Variants in KDM3B observed in about 807,000 individuals in gnomAD.
KDM3B encodes the protein lysine demethylase 3B.
A neutral mutation model predicts 170.0 loss-of-function variants in KDM3B; 10 were observed. The observed-to-expected ratio is 0.06, with a 90% CI of 0.04 to 0.10. The LOEUF is 0.10. Ranked by LOEUF, KDM3B falls within the 10% of genes least tolerant of loss-of-function variation. The pLI is 1.00. For synonymous variants in KDM3B, 831 were observed against 834.8 expected, an observed-to-expected ratio of 1.00 and a Z score of 0.08; for missense variants, 1,394 against 2,195.2, an observed-to-expected ratio of 0.64 and a Z score of 7.29.
chr5:138,369,404 A>C (rs896059897), intron 1 of KDM3B, among the ~76,000 whole-genome samples: 7 of 152,080 alleles, frequency 4.6e-5, no homozygotes, highest in Non-Finnish European at 5.9e-5. Flanking sequence ...AGCACAAGTC[A>C]CTTCCTTCCT....
At chr5:138,430,834 G>A (rs1763513535) in intron 22 of KDM3B, among the ~76,000 whole-genome samples, 1 of 151,934 alleles carries the variant, frequency 6.6e-6, no homozygotes, top group Admixed American at 6.6e-5. Flanking sequence ...AGGTTGCAGT[G>A]AGCCAAGATC....
chr5:138,419,164 C>T lies in KDM3B; in HGVS notation c.3647C>T (p.Ala1216Val). Reference protein sequence around the residue: ...KAIRPPCPDTAPPSSALHWLA... With the variant: ...KAIRPPCPDTVPPSSALHWLA... The stretch of plus-strand genomic sequence containing the variant: ...ATCAGGCCTCCTTGCCCTGACACGG[C>T]CCCACCCTCCTCCGCCCTGCACTGG... Residue 1216 changes from alanine to valine, a missense_variant, in exon 14 of 24, where the codon GCC becomes GTC. Ala to Val is a moderately conservative substitution (Grantham distance 64). Coordinates refer to ENST00000314358, the MANE Select transcript of KDM3B (RefSeq NM_016604.4). The T allele has an allele frequency of 6.2e-7, 1 of 1,614,230 alleles. No individual in the cohort carries two copies. The highest frequency in any genetic ancestry group is 8.5e-7 in the Non-Finnish European group (1 of 1,180,044).
At chr5:138,363,579 C>T (rs1252671617) in intron 1 of KDM3B, among the ~76,000 whole-genome samples, 1 of 152,188 alleles carries the variant, frequency 6.6e-6, no homozygotes, top group Non-Finnish European at 1.5e-5. Flanking sequence ...CGGAGTCTCG[C>T]TCTGTCTCTC....
intron 11 of KDM3B, among the ~76,000 whole-genome samples, chr5:138,407,363 AC>A (rs1180611099): frequency 6.6e-6 from 1 of 152,164 alleles, no homozygotes; most frequent in East Asian, 1.9e-4. Flanking sequence ...TCCCTCGAGA[AC>A]AAATAGAGAA....
intron 1 of KDM3B, among the ~76,000 whole-genome samples, chr5:138,356,936 G>A (rs1318653468): frequency 6.6e-6 from 1 of 152,108 alleles, no homozygotes; most frequent in Non-Finnish European, 1.5e-5. Flanking sequence ...GAGCCACCGG[G>A]CCTGGCCTCT....
At chr5:138,397,126 C>T (rs894861615) in intron 9 of KDM3B, among the ~76,000 whole-genome samples, 3 of 151,776 alleles carry the variant, frequency 2.0e-5, no homozygotes, top group Admixed American at 1.3e-4. Context: ...GTCGGGAGAT[C>T]GAGACCATCC....
At chr5:138,379,924 T>A (rs1762085723) in intron 5 of KDM3B, among the ~76,000 whole-genome samples, 1 of 152,212 alleles carries the variant, frequency 6.6e-6, no homozygotes, top group African/African-American at 2.4e-5. Flanking sequence ...CCACTGACCT[T>A]ACAACACTGT....
chr5:138,404,485 G>C (rs1352528150), intron 11 of KDM3B, among the ~76,000 whole-genome samples: 2 of 151,998 alleles, frequency 1.3e-5, no homozygotes, highest in African/African-American at 4.8e-5. Flanking sequence ...AAATTAGCCG[G>C]GTGTGGTGGC....
chr5:138,429,394 G>T (rs147513293), intron 20 of KDM3B, among the ~76,000 whole-genome samples: 1 of 152,224 alleles, frequency 6.6e-6, no homozygotes, highest in East Asian at 1.9e-4. Context: ...ATTCATTATG[G>T]TGTAGGTCAT....
Position 138,386,304 on chromosome 5 carries a change from C to T in KDM3B, c.1063C>T (p.Arg355Cys), listed in dbSNP as rs766235151. The T allele has an allele frequency of 6.2e-6, 10 of 1,614,174 alleles. No individual in the cohort carries two copies. The highest frequency in any genetic ancestry group is 3.3e-5 in the South Asian group (3 of 91,072). ...TGTCCCCCAGATAAACCGCAACATT[C>T]GCTTTGCCACTTACACCAAAGAAAA... ...TFVPQINRNI[R>C]FATYTKENGR... is the part of the protein sequence containing the mutation. Residue 355 changes from arginine to cysteine, a missense_variant, in exon 7 of 24, where the codon CGC becomes TGC. Coordinates refer to ENST00000314358, the MANE Select transcript of KDM3B (RefSeq NM_016604.4).
intron 5 of KDM3B, 61 bp downstream of exon 5, chr5:138,379,769 T>C (rs1762082470): frequency 6.7e-7 from 1 of 1,501,438 alleles, no homozygotes; most frequent in African/African-American, 1.4e-5. Flanking sequence ...ATGGTTTAGA[T>C]AGGCGAGCAC....
At chr5:138,419,572 A>G (rs917304810) in intron 14 of KDM3B, among the ~76,000 whole-genome samples, 1 of 148,668 alleles carries the variant, frequency 6.7e-6, no homozygotes, top group African/African-American at 2.5e-5. Context: ...GGAGAATGGC[A>G]TGAACCTGGG....
chr5:138,370,801 T>C (rs1277458612), intron 1 of KDM3B, among the ~76,000 whole-genome samples: 1 of 151,876 alleles, frequency 6.6e-6, no homozygotes, highest in Non-Finnish European at 1.5e-5. Context: ...AGAAGTTTCA[T>C]GTGAGTTTGT....
At chr5:138,373,126 G>A (rs4835679) in intron 2 of KDM3B, among the ~76,000 whole-genome samples, 19,839 of 152,122 alleles carry the variant, frequency 0.13, 1,994 homozygotes, top group East Asian at 0.56. Context: ...GATCCCTTAA[G>A]CTCAGGAGTT....
At chr5:138,371,595 G>A (rs1431089264) in intron 1 of KDM3B, among the ~76,000 whole-genome samples, 1 of 152,166 alleles carries the variant, frequency 6.6e-6, no homozygotes, top group East Asian at 1.9e-4. Context: ...TCTGTTCAGG[G>A]AAGAAGAAAG....
intron 11 of KDM3B, among the ~76,000 whole-genome samples, chr5:138,414,227 G>A (rs1363011240): frequency 2.0e-5 from 3 of 151,968 alleles, no homozygotes; most frequent in East Asian, 1.9e-4. Context: ...GTGCAGTGGC[G>A]TGGTCTCAGC....
chr5:138,359,266 A>C (rs549586534), intron 1 of KDM3B, among the ~76,000 whole-genome samples: 210 of 151,296 alleles, frequency 1.4e-3, no homozygotes, highest in Non-Finnish European at 2.6e-3. Context: ...AGTTCAAGTG[A>C]TTCTCCTGGC....
rs374680881 is a variant in KDM3B, at chr5:138,386,151, G to A, written c.910G>A (p.Gly304Arg). Residue 304 changes from glycine to arginine, a missense_variant, in exon 7 of 24, where the codon GGA becomes AGA. Transcript: ENST00000314358. Reference protein sequence around the residue: ...GCDPASKKLKGDRGEVDSNGS... With the variant: ...GCDPASKKLKRDRGEVDSNGS... ...TGACCCTGCATCAAAGAAATTAAAA[G>A]GAGACAGGGGTGAAGTAGACAGTAA... is the stretch of plus-strand genomic sequence containing the variant. 83 of 1,614,046 alleles carry A rather than the reference G, an allele frequency of 5.1e-5. No individual in the cohort carries two copies. Among genetic ancestry groups the A allele is most frequent in the Admixed American group, 6.7e-5 (4 of 59,988 alleles).
rs1237743066 is a variant in KDM3B, at chr5:138,352,878, C to T, written c.83C>T (p.Ala28Val). ...ACTGCGGCCTCAGCCTCGGCCTCGGCTCCCGCGGCGGCAGCGGCGAGCGGA... is the reference window on the plus strand; with the variant it reads ...ACTGCGGCCTCAGCCTCGGCCTCGGTTCCCGCGGCGGCAGCGGCGAGCGGA... ...ADTAASASAS[A>V]PAAAAASGDP... The change falls in exon 1 of 24, where the codon GCT becomes GTT. Residue 28 changes from alanine to valine, a missense_variant. Physicochemically the swap from Ala to Val is moderately conservative, Grantham distance 64 (BLOSUM62 0). Coordinates refer to ENST00000314358, the MANE Select transcript of KDM3B (RefSeq NM_016604.4). 2 of 1,378,350 alleles carry T rather than the reference C, an allele frequency of 1.5e-6. No individual in the cohort carries two copies. The highest frequency in any genetic ancestry group is 9.4e-7 in the Non-Finnish European group (1 of 1,062,944). 85.4% of individuals were successfully genotyped at this position (1,378,350 alleles called of 1,614,324 possible). A position where few individuals can be genotyped will look rare whatever the true frequency, so the allele number is the denominator to read the frequency against.
Sources: allele counts gnomAD v4.1 joint callset (sites outside exome capture counted in the v4.1 genomes callset), GRCh38; gene constraint gnomAD v4.1.1; transcripts MANE v1.5; gene names NCBI Gene and HGNC (gene_info 2026-07-23, HGNC 2026-07-21).